The following SP4 variants were observed in gnomAD, a reference collection of about 807,000 sequenced individuals.
SP4 encodes the protein Sp4 transcription factor, also known as transcription factor Sp4.
SP4 carries 19 observed loss-of-function variants against 72.8 expected under a neutral mutation model. The ratio of observed to expected loss-of-function variants is 0.26; its 90% CI spans 0.18 to 0.38. SP4 has a LOEUF of 0.38. Ranked by LOEUF, SP4 falls within the 10% of genes least tolerant of loss-of-function variation. The probability of loss-of-function intolerance (pLI) is 1.00; values close to 1 mark genes in which losing one functional copy is unlikely to be tolerated. For synonymous variants in SP4, 395 were observed against 333.1 expected, an observed-to-expected ratio of 1.19 and a Z score of -2.02; for missense variants, 1,008 against 926.3, an observed-to-expected ratio of 1.09 and a Z score of -1.14.
chr7:21,445,903 A>G (rs1475902974), intron 3 of SP4, among the ~76,000 whole-genome samples: 1 of 152,152 alleles, frequency 6.6e-6, no homozygotes, highest in Non-Finnish European at 1.5e-5. Context: ...ATCAGAGTGC[A>G]TTCACAATAT....
chr7:21,438,525 C>T (rs1205852637), intron 3 of SP4, among the ~76,000 whole-genome samples: 6 of 151,906 alleles, frequency 3.9e-5, no homozygotes, highest in African/African-American at 7.3e-5. Flanking sequence ...TTTTCTATGT[C>T]GTTTCCTCTT....
intron 3 of SP4, among the ~76,000 whole-genome samples, chr7:21,440,846 T>C (rs916152941): frequency 2.6e-5 from 4 of 151,202 alleles, no homozygotes; most frequent in Non-Finnish European, 5.9e-5. Flanking sequence ...CGGGACCCTG[T>C]CTCAAAACAA....
chr7:21,454,918 G>T (rs1481769511), intron 3 of SP4, among the ~76,000 whole-genome samples: 1 of 152,212 alleles, frequency 6.6e-6, no homozygotes, highest in Non-Finnish European at 1.5e-5. Flanking sequence ...TACCTGACAG[G>T]ATTTGGAGGA....
Position 21,477,082 on chromosome 7 carries a change from A to G in SP4, c.1682A>G (p.Gln561Arg). ...VPVTITSVAG[Q>R]QQGQDGVKVQ... Reference sequence around the variant, plus strand: ...TCTTTTTTTTCTTCCTTTTTAGGTCAGCAGCAAGGACAAGATGGAGTAAAA... The same window carrying G: ...TCTTTTTTTTCTTCCTTTTTAGGTCGGCAGCAAGGACAAGATGGAGTAAAA... The change falls in exon 4 of 6, where the codon CAG (glutamine) becomes CGG (arginine). Residue 561 changes from glutamine to arginine, a missense_variant. Coordinates refer to ENST00000222584, the MANE Select transcript of SP4 (RefSeq NM_003112.5). The G allele has an allele frequency of 6.2e-7, 1 of 1,611,498 alleles. No individual in the cohort carries two copies. Among genetic ancestry groups the G allele is most frequent in the South Asian group, 1.1e-5 (1 of 91,020 alleles).
At chr7:21,428,400 A>C (rs918727710) in intron 1 of SP4, 142 bp downstream of exon 1, 6 of 687,302 alleles carry the variant, frequency 8.7e-6, no homozygotes, top group African/African-American at 1.8e-5. Context: ...GGAATCGGGG[A>C]GGGAAGGAGG....
intron 3 of SP4, among the ~76,000 whole-genome samples, chr7:21,431,781 G>A (rs1782864418): frequency 6.6e-6 from 1 of 152,134 alleles, no homozygotes; most frequent in Admixed American, 6.5e-5. Flanking sequence ...TTGTGTTTTA[G>A]TGCCTTTGAT....
chr7:21,429,367 G>A lies in SP4; in HGVS notation c.202G>A (p.Gly68Arg). 1 of 1,613,754 alleles carries A rather than the reference G, an allele frequency of 6.2e-7. No homozygotes were observed. The highest frequency in any genetic ancestry group is 8.5e-7 in the Non-Finnish European group (1 of 1,179,924). ...GACTCCTGGTGAAAATCAAGCAACT[G>A]GACAACAACAAATTATTATAGATCC... ...IGTPGENQAT[G>R]QQQIIIDPSQ... Residue 68 changes from glycine (G) to arginine (R), a missense_variant, in exon 3 of 6, where the codon GGA (glycine) becomes AGA (arginine). By Grantham distance (125) the Gly-to-Arg change is moderately radical. This residue lies in a region of SP4 where 893 missense variants were observed against 743.3 expected (regional missense o/e 1.20). Coordinates refer to ENST00000222584, the MANE Select transcript of SP4 (RefSeq NM_003112.5).
At chr7:21,450,641 A>G (rs899286421) in intron 3 of SP4, among the ~76,000 whole-genome samples, 3 of 152,218 alleles carry the variant, frequency 2.0e-5, no homozygotes, top group Non-Finnish European at 4.4e-5. Context: ...GGTTAAGGAA[A>G]TACATTCTTA....
chr7:21,468,518 A>AT (rs749410736), intron 3 of SP4, among the ~76,000 whole-genome samples: 71 of 145,038 alleles, frequency 4.9e-4, no homozygotes, highest in East Asian at 1.2e-3. Context: ...TATGAATGGA[A>AT]TTTTTTTTTT....
intron 5 of SP4, among the ~76,000 whole-genome samples, chr7:21,504,183 A>G (rs1409876276): frequency 1.3e-5 from 2 of 152,098 alleles, no homozygotes; most frequent in Admixed American, 6.5e-5. Flanking sequence ...CTTTCTGATG[A>G]CCATTTACAT....
chr7:21,487,762 ATGGTGGTGGTGG>A (rs745424097), intron 5 of SP4, among the ~76,000 whole-genome samples: 43 of 71,254 alleles, frequency 6.0e-4, no homozygotes, highest in South Asian at 1.3e-3. Flanking sequence ...GATGATGATG[ATGGTGGTGGTGG>A]TGGTGGTGGT....
chr7:21,462,546 T>C (rs1784029030), intron 3 of SP4, among the ~76,000 whole-genome samples: 1 of 152,010 alleles, frequency 6.6e-6, no homozygotes, highest in South Asian at 2.1e-4. Flanking sequence ...TCTGAGCTAA[T>C]AGTATGTTGA....
chr7:21,456,704 A>C (rs1010603232), intron 3 of SP4, among the ~76,000 whole-genome samples: 2 of 152,232 alleles, frequency 1.3e-5, no homozygotes, highest in Non-Finnish European at 2.9e-5. Flanking sequence ...GAAAGAGCCG[A>C]TTTTAGTTGA....
At position 21,428,272 on chromosome 7, in the gene SP4, A is replaced by T; in HGVS notation, c.7+14A>T. ...GCGGGATGAGCGGTACGTATTCTCC[A>T]CCCCCCTCAGTCTCCTTCGCCGCCT... On this transcript the variant is annotated intron_variant, in intron 1 of 5. Transcript: ENST00000222584. 6.9e-7 allele frequency: 1 copy of T among 1,440,146 alleles called. No homozygotes were observed. The highest frequency in any genetic ancestry group is 9.3e-7 in the Non-Finnish European group (1 of 1,070,180). The allele number at this position is 1,440,146 out of a possible 1,614,324, so 89.2% of individuals were successfully genotyped here. A position where few individuals can be genotyped will look rare whatever the true frequency, so the allele number is the denominator to read the frequency against.
At chr7:21,471,396 A>T (rs1192393381) in intron 3 of SP4, among the ~76,000 whole-genome samples, 1 of 152,232 alleles carries the variant, frequency 6.6e-6, no homozygotes, top group African/African-American at 2.4e-5. Context: ...GGGACTTATG[A>T]TCAACATAGA....
intron 3 of SP4, among the ~76,000 whole-genome samples, chr7:21,459,088 T>G (rs1417027920): frequency 6.6e-6 from 1 of 151,226 alleles, no homozygotes; most frequent in African/African-American, 2.4e-5. Flanking sequence ...TTCTATAGAA[T>G]TAAAGCTATC....
intron 5 of SP4, among the ~76,000 whole-genome samples, chr7:21,491,906 A>G (rs940720346): frequency 3.3e-5 from 5 of 151,998 alleles, no homozygotes; most frequent in Admixed American, 2.6e-4. Flanking sequence ...AATTAATTAT[A>G]CCAGAGAGAA....
At chr7:21,453,121 G>A (rs1783652502) in intron 3 of SP4, among the ~76,000 whole-genome samples, 1 of 152,120 alleles carries the variant, frequency 6.6e-6, no homozygotes, top group Admixed American at 6.6e-5. Flanking sequence ...AGTTTTCTTG[G>A]CGTTGAAAAA....
chr7:21,507,608 T>C (rs901751083), intron 5 of SP4, among the ~76,000 whole-genome samples: 3 of 152,050 alleles, frequency 2.0e-5, no homozygotes, highest in African/African-American at 7.2e-5. Context: ...TCTTGTGAGG[T>C]TGGGGTTTTA....
Sources: allele counts gnomAD v4.1 joint callset (sites outside exome capture counted in the v4.1 genomes callset), GRCh38; gene constraint gnomAD v4.1.1; regional missense constraint gnomAD v4.1.1; transcripts MANE v1.5; gene names NCBI Gene and HGNC (gene_info 2026-07-23, HGNC 2026-07-21).